Variants in SCRIB observed in about 807,000 individuals in gnomAD.
The protein encoded by SCRIB is protein scribble homolog.
A neutral mutation model predicts 170.0 loss-of-function variants in SCRIB; 72 were observed. That is an observed-to-expected ratio of 0.42 (90% CI 0.35 to 0.52). SCRIB has a LOEUF of 0.52. Ranked by LOEUF, SCRIB falls within the 20% of genes least tolerant of loss-of-function variation. The pLI is 0.02. For synonymous variants in SCRIB, 1,298 were observed against 1,044.3 expected, an observed-to-expected ratio of 1.24 and a Z score of -4.68; for missense variants, 2,475 against 2,338.5, an observed-to-expected ratio of 1.06 and a Z score of -1.20.
At chr8:143,807,082 C>G (rs1815463404) in intron 16 of SCRIB, 69 bp from the exon 17 acceptor site, 1 of 1,106,034 alleles carries the variant, frequency 9.0e-7, no homozygotes, top group Admixed American at 2.1e-5. Context: ...TGCAGGAGAC[C>G]CCACCAGCAC....
Position 143,803,517 on chromosome 8 carries a change from G to T in SCRIB, c.3469C>A (p.Leu1157Met). ...AGGCTCTGCTGGTTCACCTCCAACAGCCGCAAACCCACACGCAGCCGACCG... is the reference window on the plus strand; with the variant it reads ...AGGCTCTGCTGGTTCACCTCCAACATCCGCAAACCCACACGCAGCCGACCG... ...RDGRLRVGLR[L>M]LEVNQQSLLG... Residue 1157 changes from leucine (L) to methionine (M), a missense_variant, in exon 24 of 37, where the codon CTG (leucine) becomes ATG (methionine). By Grantham distance (15) the Leu-to-Met change is conservative (BLOSUM62 2). Transcript: ENST00000356994. 6.2e-7 allele frequency: 1 copy of T among 1,600,716 alleles called. No homozygotes were observed.
intron 5 of SCRIB, 36 bp from the exon 6 acceptor site, chr8:143,813,410 GCCCTGGT>G (rs1219532115): frequency 6.2e-7 from 1 of 1,612,890 alleles, no homozygotes; most frequent in Non-Finnish European, 8.5e-7. Context: ...TGGCCACGCA[GCCCTGGT>G]CCCTGGGCTG....
At position 143,803,538 on chromosome 8, in the gene SCRIB, G is replaced by A. The variant is rs781893306; in HGVS notation, c.3448C>T (p.Arg1150Trp). The A allele has an allele frequency of 6.3e-6, 10 of 1,591,366 alleles. No individual in the cohort carries two copies. Among genetic ancestry groups the A allele is most frequent in the Admixed American group, 1.7e-5 (1 of 59,398 alleles). ...SPTGAAGRDG[R>W]LRVGLRLLEV... is the part of the protein sequence containing the mutation. ...AACAGCCGCAAACCCACACGCAGCC[G>A]ACCGTCGCGCCCGGCTGCCCCCGTG... Residue 1150 changes from arginine to tryptophan, a missense_variant, in exon 24 of 37, where the codon CGG becomes TGG. By Grantham distance (101) the Arg-to-Trp change is moderately radical. This residue lies in a region of SCRIB where 1,966 missense variants were observed against 1,742.9 expected (regional missense o/e 1.13). Coordinates refer to ENST00000356994, the MANE Select transcript of SCRIB (RefSeq NM_182706.5).
Position 143,810,464 on chromosome 8 carries a change from T to C in SCRIB, c.1530+15A>G. On this transcript the variant is annotated intron_variant, in intron 13 of 36. Coordinates refer to ENST00000356994, the MANE Select transcript of SCRIB (RefSeq NM_182706.5). ...GGGTCAGCGGCCCGCCAGGTTGCCG[T>C]GGCTCCATGCCCACCTCCTCTGCAG... The C allele has an allele frequency of 6.2e-7, 1 of 1,603,358 alleles. No individual in the cohort carries two copies. Among genetic ancestry groups the C allele is most frequent in the South Asian group, 1.1e-5 (1 of 90,954 alleles).
intron 24 of SCRIB, 148 bp from the exon 25 acceptor site, chr8:143,795,678 C>G: frequency 1.5e-6 from 1 of 687,576 alleles, no homozygotes. Context: ...GCTGGGGCAG[C>G]CTTGGAGGGC....
intron 24 of SCRIB, among the ~76,000 whole-genome samples, chr8:143,796,222 G>A (rs1554634073): frequency 6.6e-6 from 1 of 152,202 alleles, no homozygotes; most frequent in East Asian, 1.9e-4. Context: ...ACCATGGGAA[G>A]AGCTGACTTC....
At position 143,795,460 on chromosome 8, in the gene SCRIB, G is replaced by A; in HGVS notation, c.3674C>T (p.Ser1225Phe). ...IGHRNSLESI[S>F]SIDRELSPEG... is the part of the protein sequence containing the mutation. ...AGGGCTCAGCTCCCGGTCGATGGAA[G>A]AGATGCTCTCCAGGCTGTTCCGGTG... The change falls in exon 25 of 37, where the codon TCT becomes TTT. Residue 1225 changes from serine (S) to phenylalanine (F), a missense_variant. Physicochemically the swap from Ser to Phe is radical, Grantham distance 155. Around this residue, in one of 3 missense-constraint regions of SCRIB, gnomAD observed 1,966 missense variants for 1,742.9 expected, o/e 1.13. Transcript: ENST00000356994. 1 of 1,613,330 alleles carries A rather than the reference G, an allele frequency of 6.2e-7. No homozygotes were observed. Among genetic ancestry groups the A allele is most frequent in the Non-Finnish European group, 8.5e-7 (1 of 1,179,834 alleles).
rs1276332141 is a variant in SCRIB at position 143,793,194 on chromosome 8, C to T, written c.3910-111G>A. The stretch of plus-strand genomic sequence containing the variant: ...CTGTCCCCCCGCCTGCCTTTGATCC[C>T]CACCCACCATCCTGCTGGGGAAGGA... On this transcript the variant is annotated intron_variant, in intron 28 of 36. Coordinates refer to ENST00000356994, the MANE Select transcript of SCRIB (RefSeq NM_182706.5). 4 of 592,138 alleles carry T rather than the reference C, an allele frequency of 6.8e-6. No individual in the cohort carries two copies. In the Admixed American group the frequency reaches 1.5e-4, roughly 22 times the overall value. The allele number at this position is 592,138 out of a possible 1,614,324, so 36.7% of individuals were successfully genotyped here. A position where few individuals can be genotyped will look rare whatever the true frequency, so the allele number is the denominator to read the frequency against.
At position 143,812,972 on chromosome 8, in the gene SCRIB, G is replaced by A. The variant is rs747481853; in HGVS notation, c.643-11C>T. On this transcript the variant is annotated splice_polypyrimidine_tract_variant and intron_variant, in intron 7 of 36. Coordinates refer to ENST00000356994, the MANE Select transcript of SCRIB (RefSeq NM_182706.5). ...CAGGTTCCCGAGCTCCTGCAGGTGGGCAGAGAGTCAGAGCGCGGATGGGCA... is the reference window on the plus strand; with the variant it reads ...CAGGTTCCCGAGCTCCTGCAGGTGGACAGAGAGTCAGAGCGCGGATGGGCA... 6 of 1,612,500 alleles carry A rather than the reference G, an allele frequency of 3.7e-6. No homozygotes were observed. The highest frequency in any genetic ancestry group is 2.5e-6 in the Non-Finnish European group (3 of 1,179,842).
chr8:143,791,824 C>G (rs1323591154), intron 34 of SCRIB, 52 bp downstream of exon 34: 3 of 1,500,664 alleles, frequency 2.0e-6, no homozygotes, highest in East Asian at 2.4e-5. Flanking sequence ...CAGGCCAGAC[C>G]CCACCCCCAT....
intron 24 of SCRIB, 84 bp from the exon 25 acceptor site, chr8:143,795,614 T>C (rs541714698): frequency 7.6e-6 from 9 of 1,181,856 alleles, no homozygotes; most frequent in African/African-American, 7.6e-5. Flanking sequence ...CAGCCCAGAA[T>C]AGTCAGCAAC....
intron 1 of SCRIB, chr8:143,814,880 C>G (rs1815989215): frequency 6.4e-6 from 2 of 310,696 alleles, no homozygotes; most frequent in South Asian, 7.7e-5. Flanking sequence ...ACCTCCAGAG[C>G]GGCCCAAGAA....
rs782094240 is a variant in SCRIB at position 143,792,645 on chromosome 8, G to A, written c.4178-10C>T. ...TGCTGTAGTTTTCTGGCTGCCGGAG[G>A]GCAGGGTGGGTCAGGCCAGACCAGC... On this transcript the variant is annotated splice_polypyrimidine_tract_variant and intron_variant, in intron 30 of 36. Transcript: ENST00000356994. 1.3e-5 allele frequency: 21 copies of A among 1,592,926 alleles called. No homozygotes were observed. The South Asian group carries it at 2.0e-4, about 15-fold the overall frequency.
intron 14 of SCRIB, 99 bp downstream of exon 14, chr8:143,809,452 C>T: frequency 1.5e-6 from 2 of 1,340,272 alleles, no homozygotes; most frequent in East Asian, 2.3e-5. Flanking sequence ...AGGGCCCAGG[C>T]ACTGCCTGCA....
intron 9 of SCRIB, 89 bp from the exon 10 acceptor site, chr8:143,811,434 C>T: frequency 5.0e-6 from 6 of 1,199,918 alleles, no homozygotes; most frequent in Non-Finnish European, 7.2e-6. Context: ...CACAGACACC[C>T]CAGGCCAGCT....
At position 143,815,711 on chromosome 8, in the gene SCRIB, C is replaced by T; in HGVS notation, c.-339G>A. 1.0e-6 allele frequency: 1 copy of T among 983,802 alleles called. No homozygotes were observed. The highest frequency in any genetic ancestry group is 1.2e-6 in the Non-Finnish European group (1 of 829,334). 60.9% of individuals were successfully genotyped at this position (983,802 alleles called of 1,614,324 possible). A position where few individuals can be genotyped will look rare whatever the true frequency, so the allele number is the denominator to read the frequency against. ...CTGTGCCGCACCGGAACCGCCGCTG[C>T]CCGCCGGACTGCCCCGCCGACACCC... On this transcript the variant is annotated 5_prime_UTR_variant, in exon 1 of 37. Transcript: ENST00000356994.
rs992719090 is a variant in SCRIB at position 143,813,835 on chromosome 8, G to A, written c.339C>T (p.Ser113=). 2 of 1,609,294 alleles carry A rather than the reference G, an allele frequency of 1.2e-6. No individual in the cohort carries two copies. Among genetic ancestry groups the A allele is most frequent in the South Asian group, 1.1e-5 (1 of 90,670 alleles). The part of the protein sequence containing the change: ...FCKALEIADF[S]GNPLSRLPDG... Reference sequence around the variant, plus strand: ...CCACCCACCTGGAGAGGGGGTTCCCGCTGAAGTCCGCGATCTCCAGAGCCT... The same window carrying A: ...CCACCCACCTGGAGAGGGGGTTCCCACTGAAGTCCGCGATCTCCAGAGCCT... The change falls in exon 3 of 37, where the codon AGC becomes AGT. Residue 113 remains serine (S), a synonymous_variant. Transcript: ENST00000356994.
At chr8:143,803,069 C>T (rs1197110891) in intron 24 of SCRIB, among the ~76,000 whole-genome samples, 4 of 152,188 alleles carry the variant, frequency 2.6e-5, no homozygotes, top group Non-Finnish European at 5.9e-5. Flanking sequence ...GCAGGAGTCA[C>T]CAGTGCTCAG....
In SCRIB at chr8:143,810,517, A is replaced by G. The variant is rs758591553; in HGVS notation, c.1492T>C (p.Cys498Arg). The G allele has an allele frequency of 6.2e-7, 1 of 1,612,420 alleles. No homozygotes were observed. The highest frequency in any genetic ancestry group is 8.5e-7 in the Non-Finnish European group (1 of 1,179,920). ...AAGGGCGACCCAGAGTCTGGCTGGC[A>G]AGGGCAGGCCTCGCTCCGCCGCCCC... Reference protein sequence around the residue: ...IEGRRSEACPCQPDSGSPLPA... With the variant: ...IEGRRSEACPRQPDSGSPLPA... Residue 498 changes from cysteine to arginine, a missense_variant, in exon 13 of 37, where the codon TGC (cysteine) becomes CGC (arginine). Physicochemically the swap from Cys to Arg is radical, Grantham distance 180. Around this residue, in one of 3 missense-constraint regions of SCRIB, gnomAD observed 1,966 missense variants for 1,742.9 expected, o/e 1.13. Coordinates refer to ENST00000356994, the MANE Select transcript of SCRIB (RefSeq NM_182706.5).
Sources: gnomAD v4.1 joint callset for allele counts (sites outside exome capture counted in the v4.1 genomes callset) on GRCh38, gnomAD v4.1.1 for gene constraint, gnomAD v4.1.1 regional missense constraint, MANE v1.5 for transcripts, NCBI Gene and HGNC (gene_info 2026-07-23, HGNC 2026-07-21) for gene names.